NRG2: variants seen among roughly 807,000 people sequenced by gnomAD.
NRG2 encodes the protein neuregulin 2.
In NRG2, 27 loss-of-function variants were observed where a neutral mutation model predicts 73.9. The ratio of observed to expected loss-of-function variants is 0.37; its 90% CI spans 0.27 to 0.50. The LOEUF (loss-of-function observed/expected upper bound fraction) is 0.50, where lower values mean the gene tolerates loss of function less well. Among genes scored for constraint, NRG2 ranks in the 20% least tolerant of loss-of-function variants. The probability of loss-of-function intolerance (pLI) is 0.96; values close to 1 mark genes in which losing one functional copy is unlikely to be tolerated. For missense variants in NRG2, 1,126 were observed against 1,210.1 expected (o/e 0.93, Z 1.03); for synonymous variants, 532 against 541.0 (o/e 0.98, Z 0.23).
intron 1 of NRG2, among the ~76,000 whole-genome samples, chr5:140,002,620 C>T (rs568333688): frequency 6.6e-6 from 1 of 152,318 alleles, no homozygotes; most frequent in East Asian, 1.9e-4. Flanking sequence ...GAGCCGGAGT[C>T]AGAGAGGTCA....
chr5:140,000,809 T>C (rs1758409141), intron 1 of NRG2, among the ~76,000 whole-genome samples: 1 of 152,206 alleles, frequency 6.6e-6, no homozygotes, highest in Non-Finnish European at 1.5e-5. Context: ...AGGAACTTCC[T>C]AACTGCTCTC....
chr5:139,916,508 A>T (rs1394481888), intron 1 of NRG2, among the ~76,000 whole-genome samples: 1 of 152,170 alleles, frequency 6.6e-6, no homozygotes, highest in Non-Finnish European at 1.5e-5. Flanking sequence ...GAACATTTTC[A>T]TCATCCCCAA....
intron 1 of NRG2, among the ~76,000 whole-genome samples, chr5:139,976,827 A>G (rs1354749748): frequency 6.6e-6 from 1 of 152,248 alleles, no homozygotes; most frequent in Non-Finnish European, 1.5e-5. Context: ...CAGGAGTCAG[A>G]GGATGAGAGA....
At chr5:139,917,775 A>G (rs1170625730) in intron 1 of NRG2, among the ~76,000 whole-genome samples, 1 of 152,122 alleles carries the variant, frequency 6.6e-6, no homozygotes, top group Non-Finnish European at 1.5e-5. Context: ...AGCTCTTTAT[A>G]TATTATGGAT....
chr5:140,021,587 T>C (rs1417892868), intron 1 of NRG2, among the ~76,000 whole-genome samples: 1 of 152,198 alleles, frequency 6.6e-6, no homozygotes, highest in African/African-American at 2.4e-5. Context: ...CAATAAAATA[T>C]CACCTCTGCA....
intron 1 of NRG2, among the ~76,000 whole-genome samples, chr5:139,916,492 G>A (rs1266144494): frequency 6.6e-6 from 1 of 152,152 alleles, no homozygotes; most frequent in Non-Finnish European, 1.5e-5. Flanking sequence ...ACTGCAATAA[G>A]TTTTGGAACA....
rs1761797564 is a variant in NRG2 at position 139,856,147 on chromosome 5, C to CACAG, written c.1190-370_1190-369insCTGT. The CACAG allele has an allele frequency of 3.9e-6, 1 of 258,068 alleles. No homozygotes were observed. The highest frequency in any genetic ancestry group is 7.0e-5 in the South Asian group (1 of 14,234). The allele number at this position is 258,068 out of a possible 1,614,324, so 16.0% of individuals were successfully genotyped here. On this transcript the variant is annotated intron_variant, in intron 5 of 9. Coordinates refer to ENST00000361474, the MANE Select transcript of NRG2 (RefSeq NM_004883.3). This position sits in a 1 kb window ranked among gnomAD's most constrained non-coding sequence, Gnocchi z 4.2. ...GGACAGCTCAGTCTGGCCGGTGACC[C>CACAG]TGCCCTGCTCCACAGTGGCCTGGTA...
At chr5:139,957,812 T>C (rs1754750941) in intron 1 of NRG2, among the ~76,000 whole-genome samples, 1 of 152,024 alleles carries the variant, frequency 6.6e-6, no homozygotes, top group Non-Finnish European at 1.5e-5. Context: ...CCAAGAGAGA[T>C]TTGAGAGTGG....
chr5:139,985,112 G>A (rs1757071158), intron 1 of NRG2, among the ~76,000 whole-genome samples: 1 of 152,064 alleles, frequency 6.6e-6, no homozygotes, highest in Admixed American at 6.5e-5. Flanking sequence ...GGCTGAGGTA[G>A]ATGGATCACT....
rs569196020 is a variant in NRG2 at position 139,868,792 on chromosome 5, G to A, written c.1112+2929C>T. On this transcript the variant is annotated intron_variant, in intron 4 of 9. Transcript: ENST00000361474. This position sits in a 1 kb window ranked among gnomAD's most constrained non-coding sequence, Gnocchi z 4.2. ...GTGAAGGGCCTCTGAGTTCATGAGA[G>A]GGGTGAAGATGTGGCGAGGATGAGC... Among the ~76,000 whole-genome samples, 8 of 152,234 alleles carry A rather than the reference G, an allele frequency of 5.3e-5. No individual in the cohort carries two copies. The highest frequency in any genetic ancestry group is 2.6e-4 in the Admixed American group (4 of 15,296).
At chr5:139,944,635 C>T (rs1753669120) in intron 1 of NRG2, among the ~76,000 whole-genome samples, 1 of 152,062 alleles carries the variant, frequency 6.6e-6, no homozygotes, top group South Asian at 2.1e-4. Context: ...TGTATGTACC[C>T]CATTTTCTTT....
chr5:139,847,256 G>A lies in NRG2; in HGVS notation c.*661C>T, dbSNP rs889721713. ...CAGAGCTGCCACCTCCCTGGGCTCAGGCTCTTGGGGAAACGTTTCTCTGCC... is the reference window on the plus strand; with the variant it reads ...CAGAGCTGCCACCTCCCTGGGCTCAAGCTCTTGGGGAAACGTTTCTCTGCC... On this transcript the variant is annotated 3_prime_UTR_variant, in exon 10 of 10. Coordinates refer to ENST00000361474, the MANE Select transcript of NRG2 (RefSeq NM_004883.3). 1.3e-5 allele frequency: 2 copies of A among 152,242 alleles called. No individual in the cohort carries two copies. Among genetic ancestry groups the A allele is most frequent in the Non-Finnish European group, 2.9e-5 (2 of 68,112 alleles). 9.4% of individuals were successfully genotyped at this position (152,242 alleles called of 1,614,324 possible).
At chr5:139,878,311 G>A (rs1218928168) in intron 3 of NRG2, among the ~76,000 whole-genome samples, 2 of 152,248 alleles carry the variant, frequency 1.3e-5, no homozygotes, top group Admixed American at 6.5e-5. Context: ...GACTGGTCAA[G>A]TGGGTCACAT....
chr5:139,977,515 T>C (rs1756464127), intron 1 of NRG2, among the ~76,000 whole-genome samples: 1 of 152,192 alleles, frequency 6.6e-6, no homozygotes, highest in Admixed American at 6.5e-5. Flanking sequence ...ATGGCCATAC[T>C]GCCCAAGGTA....
intron 1 of NRG2, among the ~76,000 whole-genome samples, chr5:140,037,631 C>T (rs765226751): frequency 1.4e-4 from 21 of 152,124 alleles, no homozygotes; most frequent in Non-Finnish European, 2.5e-4. Flanking sequence ...TACTTTGGGC[C>T]GGGCGCGGTG....
intron 1 of NRG2, among the ~76,000 whole-genome samples, chr5:139,918,510 T>C (rs1453228983): frequency 6.6e-6 from 1 of 152,134 alleles, no homozygotes; most frequent in African/African-American, 2.4e-5. Context: ...TTTAGTGAGA[T>C]AGGGAGCGCA....
intron 1 of NRG2, among the ~76,000 whole-genome samples, chr5:140,030,004 A>C (rs753922981): frequency 8.5e-5 from 13 of 152,256 alleles, no homozygotes; most frequent in South Asian, 2.1e-4. Flanking sequence ...CCCCTCCCAA[A>C]GCCACATTGC....
At chr5:140,020,515 G>A (rs567268137) in intron 1 of NRG2, among the ~76,000 whole-genome samples, 2 of 152,272 alleles carry the variant, frequency 1.3e-5, no homozygotes, top group Admixed American at 6.5e-5. Flanking sequence ...ATGCCAAAAT[G>A]TCATTAGGGA....
At chr5:140,025,511 T>C (rs1166118663) in intron 1 of NRG2, among the ~76,000 whole-genome samples, 1 of 152,180 alleles carries the variant, frequency 6.6e-6, no homozygotes. Flanking sequence ...GATACAGTAG[T>C]ATAAAAAACA....
Sources: gnomAD v4.1 joint callset for allele counts (sites outside exome capture counted in the v4.1 genomes callset) on GRCh38, gnomAD v4.1.1 for gene constraint, Gnocchi (gnomAD v3.1) non-coding constraint, MANE v1.5 for transcripts, NCBI Gene and HGNC (gene_info 2026-07-23, HGNC 2026-07-21) for gene names.